The following ELAVL1 variants were observed in gnomAD, a reference collection of about 807,000 sequenced individuals.
ELAVL1 encodes the protein ELAV like RNA binding protein 1.
In ELAVL1, 1 loss-of-function variant was observed where a neutral mutation model predicts 28.4. The observed-to-expected ratio is 0.04, with a 90% CI of 0.01 to 0.17. The LOEUF (loss-of-function observed/expected upper bound fraction) is 0.17, where lower values mean the gene tolerates loss of function less well. ELAVL1 is among the 10% of genes least tolerant of loss of function. ELAVL1 has a pLI of 1.00. For synonymous variants in ELAVL1, 174 were observed against 183.5 expected (o/e 0.95, Z 0.42); for missense variants, 157 against 447.2 (o/e 0.35, Z 5.85).
chr19:7,964,712 C>A (rs1032535512), intron 5 of ELAVL1, among the ~76,000 whole-genome samples: 3 of 151,966 alleles, frequency 2.0e-5, no homozygotes, highest in African/African-American at 7.2e-5. Context: ...CTAAACTAAA[C>A]TAAAATAAAA....
At position 7,963,838 on chromosome 19, in the gene ELAVL1, G is replaced by A. The variant is rs763886418; in HGVS notation, c.657-31C>T. 13 of 1,600,820 alleles carry A rather than the reference G, an allele frequency of 8.1e-6. No individual in the cohort carries two copies. The highest frequency in any genetic ancestry group is 4.5e-5 in the South Asian group (4 of 89,612). ...AGACAGAGAGCAAGCGTCAGGCCACGGTCAGCGCAGGCGGCCTGGGGATGG... is the reference window on the plus strand; with the variant it reads ...AGACAGAGAGCAAGCGTCAGGCCACAGTCAGCGCAGGCGGCCTGGGGATGG... On this transcript the variant is annotated intron_variant, in intron 5 of 5. Transcript: ENST00000407627. The surrounding 1 kb of genome is among the most constrained non-coding windows in gnomAD (Gnocchi z 4.5).
intron 5 of ELAVL1, among the ~76,000 whole-genome samples, chr19:7,967,074 G>A (rs1984975213): frequency 6.7e-6 from 1 of 149,186 alleles, no homozygotes; most frequent in Admixed American, 6.7e-5. Flanking sequence ...CTGGCCCTGT[G>A]GCCCAGGCTG....
chr19:7,965,445 TCTC>T (rs1194366633), intron 5 of ELAVL1, among the ~76,000 whole-genome samples: 3 of 152,006 alleles, frequency 2.0e-5, no homozygotes, highest in Non-Finnish European at 4.4e-5. Flanking sequence ...TCATAAATCT[TCTC>T]CTCTCTTCCT....
intron 2 of ELAVL1, among the ~76,000 whole-genome samples, chr19:7,984,933 G>A (rs548392608): frequency 6.6e-6 from 1 of 152,176 alleles, no homozygotes; most frequent in African/African-American, 2.4e-5. Flanking sequence ...AGGTGGGGGG[G>A]TTGCCAGTTG....
intron 2 of ELAVL1, among the ~76,000 whole-genome samples, chr19:7,987,106 CGG>C (rs1301887958): frequency 1.1e-3 from 4 of 3,684 alleles, no homozygotes; most frequent in Non-Finnish European, 1.8e-3. Context: ...AGAGCCTGAC[CGG>C]GGGGTGCCGG....
rs888551673 is a variant in ELAVL1 at position 7,975,841 on chromosome 19, G to A, written c.277-1963C>T. 4.6e-5 allele frequency among the ~76,000 whole-genome samples: 7 copies of A among 152,136 alleles called. No homozygotes were observed. In the East Asian group the frequency reaches 9.6e-4, roughly 21 times the overall value. On this transcript the variant is annotated intron_variant, in intron 3 of 5. Coordinates refer to ENST00000407627, the MANE Select transcript of ELAVL1 (RefSeq NM_001419.3). Reference sequence around the variant, plus strand: ...GGAAATTTAGGCCAGGTGTGGTGGCGCAGGCCAGTAATCCCACTGTTTTGG... The same window carrying A: ...GGAAATTTAGGCCAGGTGTGGTGGCACAGGCCAGTAATCCCACTGTTTTGG...
At chr19:7,991,495 G>C in intron 2 of ELAVL1, 149 bp downstream of exon 2, 1 of 787,434 alleles carries the variant, frequency 1.3e-6, no homozygotes, top group Non-Finnish European at 2.0e-6. Flanking sequence ...AATGGACAGA[G>C]TTTGAAATAA....
intron 1 of ELAVL1, among the ~76,000 whole-genome samples, chr19:8,001,691 C>A (rs2145231510): frequency 6.6e-6 from 1 of 151,866 alleles, no homozygotes; most frequent in East Asian, 1.9e-4. Flanking sequence ...GTCTTGAACT[C>A]CTGGCCTTGA....
Position 7,981,790 on chromosome 19 carries a change from G to A in ELAVL1, c.173-604C>T, listed in dbSNP as rs369344678. 8.4e-4 allele frequency among the ~76,000 whole-genome samples: 128 copies of A among 152,314 alleles called. No homozygotes were observed. The highest frequency in any genetic ancestry group is 3.0e-3 in the African/African-American group (123 of 41,578). ...AAGACCAGTCCCGTGGGTGCCGGCC[G>A]CTCTGTGGGGCCTGGGTGGTGAGGA... is the stretch of plus-strand genomic sequence containing the variant. On this transcript the variant is annotated intron_variant, in intron 2 of 5. Transcript: ENST00000407627. This position sits in a 1 kb window ranked among gnomAD's most constrained non-coding sequence, Gnocchi z 4.2.
intron 1 of ELAVL1, among the ~76,000 whole-genome samples, chr19:7,992,236 T>G (rs753117367): frequency 4.6e-5 from 7 of 152,142 alleles, no homozygotes; most frequent in Admixed American, 2.0e-4. Flanking sequence ...CCACAGCACC[T>G]GGCCCTGCAC....
At chr19:7,986,522 G>A (rs748241774) in intron 2 of ELAVL1, among the ~76,000 whole-genome samples, 73 of 152,320 alleles carry the variant, frequency 4.8e-4, no homozygotes, top group Non-Finnish European at 7.9e-4. Context: ...CAAGGCTAGC[G>A]GATAGCAGGG....
intron 1 of ELAVL1, among the ~76,000 whole-genome samples, chr19:7,993,231 C>A (rs1985798582): frequency 6.6e-6 from 1 of 152,172 alleles, no homozygotes; most frequent in African/African-American, 2.4e-5. Flanking sequence ...TCGGAGAGAC[C>A]TACAAACAAT....
intron 3 of ELAVL1, among the ~76,000 whole-genome samples, chr19:7,978,637 C>G (rs562265640): frequency 6.6e-6 from 1 of 152,286 alleles, no homozygotes; most frequent in East Asian, 1.9e-4. Context: ...TATAAACAAA[C>G]TGTCATCAGA....
rs942373276 is a variant in ELAVL1, at chr19:7,982,367, G to A, written c.173-1181C>T. On this transcript the variant is annotated intron_variant, in intron 2 of 5. Coordinates refer to ENST00000407627, the MANE Select transcript of ELAVL1 (RefSeq NM_001419.3). This position sits in a 1 kb window ranked among gnomAD's most constrained non-coding sequence, Gnocchi z 4.3. ...TCCATTCCCCCAGCCGGCAGAGCGC[G>A]ACAACGAGCAGGTCACCGAACAGGA... 6.6e-6 allele frequency among the ~76,000 whole-genome samples: 1 copy of A among 152,122 alleles called. No individual in the cohort carries two copies.
intron 4 of ELAVL1, among the ~76,000 whole-genome samples, chr19:7,972,341 C>G (rs1335025978): frequency 1.3e-5 from 2 of 152,234 alleles, no homozygotes; most frequent in Non-Finnish European, 2.9e-5. Flanking sequence ...GCAGTAGGGC[C>G]GGAGCACAGC....
chr19:7,982,557 T>G lies in ELAVL1; in HGVS notation c.173-1371A>C, dbSNP rs1419552197. ...TTATTTTTCAGAACAGTTTTAGGTT[T>G]ACAGAAAAATTACAAGGATAATACC... is the stretch of plus-strand genomic sequence containing the variant. On this transcript the variant is annotated intron_variant, in intron 2 of 5. Transcript: ENST00000407627. The surrounding 1 kb of genome is among the most constrained non-coding windows in gnomAD (Gnocchi z 4.3). Among the ~76,000 whole-genome samples, 7 of 152,214 alleles carry G rather than the reference T, an allele frequency of 4.6e-5. No homozygotes were observed. Among genetic ancestry groups the G allele is most frequent in the Admixed American group, 1.3e-4 (2 of 15,282 alleles).
chr19:7,975,825 G>C (rs1424475427), intron 3 of ELAVL1, among the ~76,000 whole-genome samples: 3 of 152,196 alleles, frequency 2.0e-5, no homozygotes, highest in African/African-American at 7.2e-5. Context: ...GGGAAATTTA[G>C]GCCAGGTGTG....
At chr19:7,991,416 G>A (rs1417690996) in intron 2 of ELAVL1, among the ~76,000 whole-genome samples, 1 of 152,104 alleles carries the variant, frequency 6.6e-6, no homozygotes, top group Non-Finnish European at 1.5e-5. Context: ...GTCTTATTTT[G>A]TACATGCTCT....
intron 3 of ELAVL1, among the ~76,000 whole-genome samples, chr19:7,976,244 T>C (rs967802187): frequency 6.8e-6 from 1 of 146,922 alleles, no homozygotes; most frequent in African/African-American, 2.5e-5. Flanking sequence ...CTACTAAAAA[T>C]ACAAAAAATT....
Sources: gnomAD v4.1 joint callset for allele counts (sites outside exome capture counted in the v4.1 genomes callset) on GRCh38, gnomAD v4.1.1 for gene constraint, Gnocchi (gnomAD v3.1) non-coding constraint, MANE v1.5 for transcripts, NCBI Gene and HGNC (gene_info 2026-07-23, HGNC 2026-07-21) for gene names.